Variants in ENAH observed in about 807,000 individuals in gnomAD.
The protein encoded by ENAH is protein enabled homolog.
Under a neutral mutation model 78.7 loss-of-function variants are expected in ENAH, and 23 were observed. The ratio of observed to expected loss-of-function variants is 0.29; its 90% confidence interval spans 0.21 to 0.41. The LOEUF is 0.41. Among genes scored for constraint, ENAH ranks in the 10% least tolerant of loss-of-function variants. ENAH has a pLI of 1.00. For synonymous variants in ENAH, 226 were observed against 241.0 expected (o/e 0.94, Z 0.58); for missense variants, 544 against 691.0 (o/e 0.79, Z 2.39).
At chr1:225,599,901 C>T (rs1002211498) in intron 1 of ENAH, among the ~76,000 whole-genome samples, 1 of 150,588 alleles carries the variant, frequency 6.6e-6, no homozygotes, top group Non-Finnish European at 1.5e-5. Flanking sequence ...AATGGCTTGG[C>T]GCCCTCCCTG....
intron 1 of ENAH, among the ~76,000 whole-genome samples, chr1:225,609,327 C>A (rs909815794): frequency 6.6e-6 from 1 of 151,356 alleles, no homozygotes. Context: ...CCAGCTAAAA[C>A]AAAAAGCTGT....
At chr1:225,579,089 T>C (rs994784748) in intron 1 of ENAH, among the ~76,000 whole-genome samples, 10 of 152,136 alleles carry the variant, frequency 6.6e-5, no homozygotes, top group Non-Finnish European at 8.8e-5. Flanking sequence ...ATTTTACAGA[T>C]AGGAAATGGA....
upstream of ENAH, chr1:225,653,192 T>TC (rs574091282): frequency 1.6e-4 from 22 of 141,306 alleles, no homozygotes; most frequent in Middle Eastern, 3.8e-3. This position sits in a 1 kb window ranked among gnomAD's most constrained non-coding sequence, Gnocchi z 4.3. Context: ...GCCGCCCTCC[T>TC]CCCCTCCTTC....
chr1:225,647,204 C>A (rs886940115), intron 1 of ENAH, among the ~76,000 whole-genome samples: 3 of 151,970 alleles, frequency 2.0e-5, no homozygotes, highest in African/African-American at 7.3e-5. Context: ...CCAGCCTGGG[C>A]AAGAGTGAGA....
intron 1 of ENAH, among the ~76,000 whole-genome samples, chr1:225,627,689 T>C (rs1658200237): frequency 1.3e-5 from 2 of 152,182 alleles, no homozygotes. Flanking sequence ...GAAAAGCTAC[T>C]TTACCTCCAG....
chr1:225,571,604 G>A (rs1035403403), intron 1 of ENAH, among the ~76,000 whole-genome samples: 3 of 152,038 alleles, frequency 2.0e-5, no homozygotes, highest in African/African-American at 4.8e-5. Flanking sequence ...CCAAGTGGCC[G>A]GAAATATCAT....
intron 1 of ENAH, among the ~76,000 whole-genome samples, chr1:225,619,140 A>G (rs1558918852): frequency 6.6e-6 from 1 of 152,206 alleles, no homozygotes; most frequent in African/African-American, 2.4e-5. Flanking sequence ...GTTTCATGAA[A>G]CACTTGCCAT....
chr1:225,497,691 T>C lies in ENAH; in HGVS notation c.*84A>G. 1.5e-6 allele frequency: 2 copies of C among 1,361,614 alleles called. No homozygotes were observed. Among genetic ancestry groups the C allele is most frequent in the Non-Finnish European group, 2.1e-6 (2 of 972,032 alleles). The allele number at this position is 1,361,614 out of a possible 1,614,324, so 84.3% of individuals were successfully genotyped here. A position where few individuals can be genotyped will look rare whatever the true frequency, so the allele number is the denominator to read the frequency against. ...ATTTTCTTCTTACAGCTCATAAATG[T>C]AGGGGTTTGCTGTTGTGAACAGTTG... On this transcript the variant is annotated 3_prime_UTR_variant, in exon 14 of 14. Transcript: ENST00000366843.
intron 3 of ENAH, among the ~76,000 whole-genome samples, chr1:225,533,483 G>C (rs181621151): frequency 5.9e-5 from 9 of 152,256 alleles, no homozygotes; most frequent in Non-Finnish European, 1.2e-4. Flanking sequence ...AGGGGAAAAA[G>C]AGGGAAGAAC....
intron 1 of ENAH, among the ~76,000 whole-genome samples, chr1:225,642,625 G>C (rs1661284611): frequency 6.6e-6 from 1 of 152,134 alleles, no homozygotes; most frequent in South Asian, 2.1e-4. Context: ...AGCTATGATT[G>C]TACCACTGCA....
rs190466985 is a variant in ENAH, at chr1:225,541,685, T to C, written c.350-11047A>G. ...ACTGCTTTTTCCATTTTGAAAAGTATTAGAGGTGATTGGTGGAATTTTCGG... is the reference window on the plus strand; with the variant it reads ...ACTGCTTTTTCCATTTTGAAAAGTACTAGAGGTGATTGGTGGAATTTTCGG... On this transcript the variant is annotated intron_variant, in intron 3 of 13. Coordinates refer to ENST00000366843, the MANE Select transcript of ENAH (RefSeq NM_018212.6). Among the ~76,000 whole-genome samples the C allele has an allele frequency of 2.0e-5, 3 of 152,334 alleles. No homozygotes were observed. The East Asian group carries it at 5.8e-4, about 29-fold the overall frequency.
chr1:225,545,600 C>T (rs536991002), intron 3 of ENAH, among the ~76,000 whole-genome samples: 2 of 152,168 alleles, frequency 1.3e-5, no homozygotes, highest in Non-Finnish European at 2.9e-5. Flanking sequence ...TTACAAATCT[C>T]TTTAGCATTT....
At chr1:225,504,007 C>CT (rs565782427) in intron 11 of ENAH, among the ~76,000 whole-genome samples, 13,060 of 142,552 alleles carry the variant, frequency 0.092, 658 homozygotes, top group Non-Finnish European at 0.12. Context: ...TTTTATTTCA[C>CT]TTTTTTTTTT....
intron 1 of ENAH, among the ~76,000 whole-genome samples, chr1:225,644,043 T>A (rs936041820): frequency 5.9e-5 from 9 of 152,090 alleles, no homozygotes; most frequent in African/African-American, 2.2e-4. Context: ...TTTTAAATAG[T>A]ATAATCTTAC....
intron 2 of ENAH, among the ~76,000 whole-genome samples, chr1:225,563,392 C>A (rs1204863370): frequency 6.6e-6 from 1 of 152,212 alleles, no homozygotes; most frequent in African/African-American, 2.4e-5. Context: ...GCTCTTGACA[C>A]TGTACAATCC....
intron 10 of ENAH, among the ~76,000 whole-genome samples, chr1:225,509,805 TCTATTTC>T (rs1025440551): frequency 2.0e-5 from 3 of 152,178 alleles, no homozygotes; most frequent in Admixed American, 6.5e-5. Flanking sequence ...CCCGTTCTAG[TCTATTTC>T]CTATTTCCTA....
intron 3 of ENAH, among the ~76,000 whole-genome samples, chr1:225,548,091 A>G (rs1373197409): frequency 6.6e-6 from 1 of 152,226 alleles, no homozygotes; most frequent in African/African-American, 2.4e-5. Flanking sequence ...ATAGAAAAAA[A>G]GAAAACACCC....
intron 1 of ENAH, among the ~76,000 whole-genome samples, chr1:225,588,027 A>G (rs1318195353): frequency 6.6e-6 from 1 of 152,214 alleles, no homozygotes; most frequent in Non-Finnish European, 1.5e-5. Flanking sequence ...AAACTTGGAG[A>G]AGGAAACCTA....
At chr1:225,507,004 G>A (rs1402069919) in intron 11 of ENAH, among the ~76,000 whole-genome samples, 2 of 151,204 alleles carry the variant, frequency 1.3e-5, no homozygotes, top group South Asian at 2.1e-4. Flanking sequence ...TTTTTTCTGG[G>A]AAAAATACAA....
Sources: gnomAD v4.1 joint callset for allele counts (sites outside exome capture counted in the v4.1 genomes callset) on GRCh38, gnomAD v4.1.1 for gene constraint, Gnocchi (gnomAD v3.1) non-coding constraint, MANE v1.5 for transcripts, NCBI Gene and HGNC (gene_info 2026-07-23, HGNC 2026-07-21) for gene names.